C11orf65: variants seen among roughly 807,000 people sequenced by gnomAD.
C11orf65 encodes protein MFI.
A neutral mutation model predicts 35.3 loss-of-function variants in C11orf65; 38 were observed. That is an observed-to-expected ratio of 1.08 (90% confidence interval 0.83 to 1.41). The LOEUF is 1.41. Ranked by LOEUF, C11orf65 falls within the 40% of genes most tolerant of loss-of-function variation. C11orf65 has a pLI of 0.00. For synonymous variants in C11orf65, 105 were observed against 114.4 expected, an observed-to-expected ratio of 0.92 and a Z score of 0.53; for missense variants, 370 against 367.1, an observed-to-expected ratio of 1.01 and a Z score of -0.06.
chr11:108,366,359 A>G (rs2091331102), intron 2 of C11orf65: 1 of 213,462 alleles, frequency 4.7e-6, no homozygotes, highest in African/African-American at 2.3e-5. Context: ...ATTATGCATC[A>G]TTTTTCAGAT....
chr11:108,435,729 TGCATATAAATATTA>T (rs1489779420), intron 2 of C11orf65, among the ~76,000 whole-genome samples: 2 of 152,202 alleles, frequency 1.3e-5, no homozygotes, highest in Non-Finnish European at 2.9e-5. Flanking sequence ...TCTATATATC[TGCATATAAATATTA>T]GCCATTTTTT....
intron 6 of C11orf65, among the ~76,000 whole-genome samples, chr11:108,323,580 A>G (rs1004773321): frequency 6.6e-6 from 1 of 152,214 alleles, no homozygotes; most frequent in Non-Finnish European, 1.5e-5. Flanking sequence ...CAAATGATAA[A>G]TGTTTGAGAT....
At chr11:108,434,224 T>A (rs1479678515) in intron 2 of C11orf65, among the ~76,000 whole-genome samples, 1 of 151,976 alleles carries the variant, frequency 6.6e-6, no homozygotes, top group South Asian at 2.1e-4. Flanking sequence ...GGAGGTTATG[T>A]CTGGGTGTGG....
At chr11:108,412,734 C>A (rs529990006) in intron 3 of C11orf65, among the ~76,000 whole-genome samples, 1 of 151,664 alleles carries the variant, frequency 6.6e-6, no homozygotes, top group South Asian at 2.1e-4. Context: ...GAGGCTTTAT[C>A]GAAGAGGAAG....
chr11:108,327,537 C>G, downstream of C11orf65: 3 of 855,054 alleles, frequency 3.5e-6, no homozygotes, highest in South Asian at 4.5e-5. Context: ...TTTTTCCCAC[C>G]CACCAAGGAA....
At chr11:108,398,832 G>A (rs1334754622) in intron 6 of C11orf65, among the ~76,000 whole-genome samples, 1 of 152,230 alleles carries the variant, frequency 6.6e-6, no homozygotes, top group Non-Finnish European at 1.5e-5. Flanking sequence ...ATTCTGTTAT[G>A]AGAGGTGTTG....
At chr11:108,457,552 A>T (rs183045911) in intron 2 of C11orf65, among the ~76,000 whole-genome samples, 1 of 152,160 alleles carries the variant, frequency 6.6e-6, no homozygotes, top group African/African-American at 2.4e-5. Flanking sequence ...GCTGAGGCAG[A>T]GAACTGATTG....
intron 3 of C11orf65, among the ~76,000 whole-genome samples, chr11:108,425,057 A>G (rs2092880497): frequency 6.6e-6 from 1 of 152,234 alleles, no homozygotes; most frequent in African/African-American, 2.4e-5. Flanking sequence ...AAAGCGGGAA[A>G]GATCTAAAAT....
intron 3 of C11orf65, chr11:108,334,853 A>G (rs1224579652): frequency 5.5e-6 from 7 of 1,269,302 alleles, no homozygotes; most frequent in East Asian, 5.0e-5. Flanking sequence ...CTTAACCACT[A>G]TCACATCGTC....
At chr11:108,398,649 G>A (rs1462394259) in intron 6 of C11orf65, among the ~76,000 whole-genome samples, 4 of 152,178 alleles carry the variant, frequency 2.6e-5, no homozygotes, top group Admixed American at 2.0e-4. Flanking sequence ...TAATGTGACG[G>A]TGCTTCAGCA....
At chr11:108,464,143 G>A (rs147025874) in intron 1 of C11orf65, among the ~76,000 whole-genome samples, 2,367 of 151,978 alleles carry the variant, frequency 0.016, 35 homozygotes, top group Middle Eastern at 0.024. Context: ...GCCAGGGTGG[G>A]CTCGAACTGC....
At chr11:108,431,896 C>T in intron 2 of C11orf65, 58 bp from the exon 3 acceptor site, 1 of 1,083,572 alleles carries the variant, frequency 9.2e-7, no homozygotes, top group Non-Finnish European at 1.3e-6. Flanking sequence ...TTCTACTTCG[C>T]TTTTTGTCTA....
intron 3 of C11orf65, among the ~76,000 whole-genome samples, chr11:108,333,513 C>G (rs1342181325): frequency 6.6e-6 from 1 of 152,162 alleles, no homozygotes; most frequent in East Asian, 1.9e-4. Flanking sequence ...CATATTGTTT[C>G]TCTAAGCAAA....
intron 2 of C11orf65, among the ~76,000 whole-genome samples, chr11:108,437,705 C>A (rs1287230879): frequency 6.6e-5 from 3 of 45,146 alleles, no homozygotes; most frequent in East Asian, 1.0e-3. Context: ...GAGACTCAGT[C>A]TTAAAAAAAA....
At chr11:108,368,932 A>G in intron 2 of C11orf65, 1 of 192,944 alleles carries the variant, frequency 5.2e-6, no homozygotes, top group Non-Finnish European at 1.1e-5. Flanking sequence ...TTTAAAAAGA[A>G]AGCCAGTATA....
intron 7 of C11orf65, among the ~76,000 whole-genome samples, chr11:108,386,973 C>T (rs1159360825): frequency 1.3e-5 from 2 of 151,310 alleles, no homozygotes; most frequent in African/African-American, 4.9e-5. Flanking sequence ...TTCAGCTACT[C>T]GGGAGGCTGA....
chr11:108,352,732 A>G (rs1220640660), intron 2 of C11orf65, among the ~76,000 whole-genome samples: 1 of 152,254 alleles, frequency 6.6e-6, no homozygotes, highest in African/African-American at 2.4e-5. Flanking sequence ...CAGCAATGAA[A>G]AGAAACAGAA....
At chr11:108,349,748 C>A (rs2088954149) in intron 2 of C11orf65, among the ~76,000 whole-genome samples, 1 of 152,142 alleles carries the variant, frequency 6.6e-6, no homozygotes, top group Non-Finnish European at 1.5e-5. Context: ...ATGAGAGACA[C>A]ATTTGGTCCT....
In C11orf65 at chr11:108,431,832, C is replaced by A. The variant is rs781127950; in HGVS notation, c.88G>T (p.Ala30Ser). 4.7e-6 allele frequency: 7 copies of A among 1,486,806 alleles called. No individual in the cohort carries two copies. The highest frequency in any genetic ancestry group is 1.4e-5 in the African/African-American group (1 of 72,456). The allele number at this position is 1,486,806 out of a possible 1,614,324, so 92.1% of individuals were successfully genotyped here. A position where few individuals can be genotyped will look rare whatever the true frequency, so the allele number is the denominator to read the frequency against. Residue 30 changes from alanine (A) to serine (S), a missense_variant, in exon 3 of 9, where the codon GCT (alanine) becomes TCT (serine). Coordinates refer to ENST00000393084, the MANE Select transcript of C11orf65 (RefSeq NM_152587.5). ...QQAWKSFLNV[A>S]IFQHFKSLID... is the part of the protein sequence containing the mutation. ...AGACTTTTAAAGTGTTGAAATATAG[C>A]GACATTCTAAAGGTTCAAACACAAG...
Sources: gnomAD v4.1 joint callset for allele counts (sites outside exome capture counted in the v4.1 genomes callset) on GRCh38, gnomAD v4.1.1 for gene constraint, MANE v1.5 for transcripts, NCBI Gene and HGNC (gene_info 2026-07-23, HGNC 2026-07-21) for gene names.